DIP2B: variants seen among roughly 807,000 people sequenced by gnomAD.
DIP2B encodes the protein disco-interacting protein 2 homolog B.
In DIP2B, 76 loss-of-function variants were observed where a neutral mutation model predicts 198.0. The observed-to-expected ratio is 0.38, with a 90% CI of 0.32 to 0.46. DIP2B has a LOEUF of 0.46. Among genes scored for constraint, DIP2B ranks in the 20% least tolerant of loss-of-function variants. DIP2B has a pLI of 0.99. For synonymous variants in DIP2B, 701 were observed against 739.1 expected, an observed-to-expected ratio of 0.95 and a Z score of 0.84; for missense variants, 1,559 against 1,978.4, an observed-to-expected ratio of 0.79 and a Z score of 4.02.
Position 50,723,293 on chromosome 12 carries a change from C to T in DIP2B, c.3258C>T (p.Ala1086=), listed in dbSNP as rs1939875690. 4.3e-6 allele frequency: 7 copies of T among 1,614,174 alleles called. No homozygotes were observed. The highest frequency in any genetic ancestry group is 5.9e-6 in the Non-Finnish European group (7 of 1,180,036). ...VRPPHAQNLT[A]TLPTVRMIVD... ...CTCCACATGCTCAGAACCTCACGGCCACGCTGCCCACTGTCCGAATGATTG... is the reference window on the plus strand; with the variant it reads ...CTCCACATGCTCAGAACCTCACGGCTACGCTGCCCACTGTCCGAATGATTG... Residue 1086 remains alanine, a synonymous_variant, in exon 27 of 38, where the codon GCC becomes GCT. Transcript: ENST00000301180.
At chr12:50,560,148 G>A (rs1010360161) in intron 1 of DIP2B, among the ~76,000 whole-genome samples, 4 of 151,818 alleles carry the variant, frequency 2.6e-5, no homozygotes, top group Admixed American at 6.6e-5. Context: ...TAATCCTAGC[G>A]CTTTGGGAGG....
At chr12:50,573,174 A>G (rs549268683) in intron 1 of DIP2B, among the ~76,000 whole-genome samples, 2 of 152,360 alleles carry the variant, frequency 1.3e-5, no homozygotes, top group African/African-American at 2.4e-5. Context: ...GGTAAATACC[A>G]TAAAATCCCC....
At chr12:50,697,266 C>A in intron 17 of DIP2B, 91 bp downstream of exon 17, 2 of 1,122,036 alleles carry the variant, frequency 1.8e-6, no homozygotes, top group Non-Finnish European at 2.5e-6. Context: ...CGGATGTTAA[C>A]TAATTTTCTA....
In DIP2B at chr12:50,731,280, C is replaced by A. The variant is rs571200342; in HGVS notation, c.3642-89C>A. ...ATGTCCCTACACTGTCCTTTACACT[C>A]AGTAAATATCTGTGGAATTGGTGGG... On this transcript the variant is annotated intron_variant, in intron 30 of 37. Coordinates refer to ENST00000301180, the MANE Select transcript of DIP2B (RefSeq NM_173602.3). 70 of 1,481,126 alleles carry A rather than the reference C, an allele frequency of 4.7e-5. No individual in the cohort carries two copies. The African/African-American group carries it at 8.3e-4, about 18-fold the overall frequency. 91.7% of individuals were successfully genotyped at this position (1,481,126 alleles called of 1,614,324 possible).
chr12:50,673,920 G>T (rs901401809), intron 5 of DIP2B, among the ~76,000 whole-genome samples: 7 of 151,996 alleles, frequency 4.6e-5, no homozygotes, highest in African/African-American at 1.7e-4. Context: ...AATTACCTAT[G>T]GATTATTGTA....
rs775018481 is a variant in DIP2B, at chr12:50,695,351, G to A, written c.1804G>A (p.Ala602Thr). 1.2e-6 allele frequency: 2 copies of A among 1,613,486 alleles called. No individual in the cohort carries two copies. The highest frequency in any genetic ancestry group is 2.2e-5 in the South Asian group (2 of 91,042). The change falls in exon 15 of 38, where the codon GCT becomes ACT. Residue 602 changes from alanine to threonine, a missense_variant. By Grantham distance (58) the Ala-to-Thr change is moderately conservative. Transcript: ENST00000301180. ...CPLSWVQRVH[A>T]HKAKVALVKC... ...TCTCTCTTGGGTCCAAAGAGTACATGCTCACAAAGGTAGTCACCTGCAACA... is the reference window on the plus strand; with the variant it reads ...TCTCTCTTGGGTCCAAAGAGTACATACTCACAAAGGTAGTCACCTGCAACA...
At chr12:50,730,378 C>T (rs1940019096) in intron 30 of DIP2B, among the ~76,000 whole-genome samples, 1 of 130,778 alleles carries the variant, frequency 7.6e-6, no homozygotes, top group African/African-American at 2.5e-5. Flanking sequence ...CTTTCTCTCT[C>T]TCTCTTTTTT....
intron 1 of DIP2B, among the ~76,000 whole-genome samples, chr12:50,602,895 T>A (rs960779286): frequency 7.7e-6 from 1 of 130,622 alleles, no homozygotes; most frequent in Non-Finnish European, 1.6e-5. Flanking sequence ...CGGGGCGCGG[T>A]GGCTCACGCC....
intron 1 of DIP2B, among the ~76,000 whole-genome samples, chr12:50,547,894 C>T (rs1206244865): frequency 6.6e-6 from 1 of 151,978 alleles, no homozygotes; most frequent in Non-Finnish European, 1.5e-5. Context: ...TGTAGTGAGA[C>T]CCCATCTTTA....
rs150835690 is a variant in DIP2B, at chr12:50,588,467, T to C, written c.101-37509T>C. Among the ~76,000 whole-genome samples the C allele has an allele frequency of 4.7e-3, 721 of 152,324 alleles. 8 individuals are homozygous for C. Among genetic ancestry groups the C allele is most frequent in the African/African-American group, 0.016 (682 of 41,582 alleles). On this transcript the variant is annotated intron_variant, in intron 1 of 37. Transcript: ENST00000301180. ...GCCCGGCCTGATTCATCAGTACTTATACTGTACTGAACACGAGATTGGGGG... is the reference window on the plus strand; with the variant it reads ...GCCCGGCCTGATTCATCAGTACTTACACTGTACTGAACACGAGATTGGGGG...
At chr12:50,644,860 A>G (rs1477256505) in intron 3 of DIP2B, among the ~76,000 whole-genome samples, 1 of 152,194 alleles carries the variant, frequency 6.6e-6, no homozygotes, top group African/African-American at 2.4e-5. Flanking sequence ...CATATTTCAT[A>G]TCATATATAA....
chr12:50,627,501 T>C (rs1426322897), intron 2 of DIP2B, among the ~76,000 whole-genome samples: 1 of 152,134 alleles, frequency 6.6e-6, no homozygotes, highest in Non-Finnish European at 1.5e-5. Context: ...ACCCAGTTAA[T>C]TATTTTTTGT....
At chr12:50,531,139 G>A (rs529942925) in intron 1 of DIP2B, among the ~76,000 whole-genome samples, 1 of 152,290 alleles carries the variant, frequency 6.6e-6, no homozygotes, top group African/African-American at 2.4e-5. Context: ...TCTGACTTCT[G>A]GGTTCACGCC....
At chr12:50,712,910 AAAAAT>A (rs1247301146) in intron 22 of DIP2B, among the ~76,000 whole-genome samples, 5 of 152,314 alleles carry the variant, frequency 3.3e-5, no homozygotes, top group East Asian at 1.9e-4. Flanking sequence ...TCTGTCTCAA[AAAAAT>A]AAAATAAAGT....
intron 1 of DIP2B, among the ~76,000 whole-genome samples, chr12:50,589,100 C>T (rs1031091754): frequency 2.6e-5 from 4 of 151,818 alleles, no homozygotes; most frequent in African/African-American, 4.8e-5. Flanking sequence ...AGGAGAATGG[C>T]GTGAACCCAG....
intron 1 of DIP2B, 100 bp from the exon 2 acceptor site, chr12:50,625,876 A>C: frequency 2.5e-6 from 3 of 1,195,694 alleles, no homozygotes; most frequent in Non-Finnish European, 1.2e-6. Flanking sequence ...CTGCCTCTAT[A>C]TGGGGTAGTT....
intron 1 of DIP2B, among the ~76,000 whole-genome samples, chr12:50,590,367 T>G (rs1958808638): frequency 7.0e-6 from 1 of 143,798 alleles, no homozygotes; most frequent in Non-Finnish European, 1.5e-5. Flanking sequence ...CAAGGAGTGA[T>G]TTTTTTTTTT....
chr12:50,740,101 T>C (rs1447904003), intron 36 of DIP2B, among the ~76,000 whole-genome samples: 2 of 152,232 alleles, frequency 1.3e-5, no homozygotes, highest in Admixed American at 6.5e-5. Flanking sequence ...CCCAGTTGAT[T>C]GTCACAGCTT....
At chr12:50,715,853 G>A (rs1167433766) in intron 23 of DIP2B, among the ~76,000 whole-genome samples, 1 of 152,200 alleles carries the variant, frequency 6.6e-6, no homozygotes, top group Non-Finnish European at 1.5e-5. Context: ...AGAAGAATAG[G>A]ATACTGGAAT....
Sources: gnomAD v4.1 joint callset for allele counts (sites outside exome capture counted in the v4.1 genomes callset) on GRCh38, gnomAD v4.1.1 for gene constraint, MANE v1.5 for transcripts, NCBI Gene and HGNC (gene_info 2026-07-23, HGNC 2026-07-21) for gene names.